The following EIF3F variants were observed in gnomAD, a reference collection of about 807,000 sequenced individuals.
EIF3F encodes the protein eukaryotic translation initiation factor 3 subunit F.
In EIF3F, 8 loss-of-function variants were observed where a neutral mutation model predicts 36.0. The ratio of observed to expected loss-of-function variants is 0.22; its 90% CI spans 0.13 to 0.40. EIF3F has a LOEUF of 0.40. Ranked by LOEUF, EIF3F falls within the 10% of genes least tolerant of loss-of-function variation. The pLI is 1.00. For missense variants in EIF3F, 430 were observed against 467.6 expected, an observed-to-expected ratio of 0.92 and a Z score of 0.74; for synonymous variants, 184 against 188.5, an observed-to-expected ratio of 0.98 and a Z score of 0.19.
chr11:7,991,635 C>G lies in EIF3F; in HGVS notation c.365-146C>G, dbSNP rs1942096670. 9.0e-6 allele frequency: 7 copies of G among 774,078 alleles called. No individual in the cohort carries two copies. In the South Asian group the frequency reaches 1.1e-4, roughly 12 times the overall value. 48.0% of individuals were successfully genotyped at this position (774,078 alleles called of 1,614,324 possible). A position where few individuals can be genotyped will look rare whatever the true frequency, so the allele number is the denominator to read the frequency against. On this transcript the variant is annotated intron_variant, in intron 1 of 7. Coordinates refer to ENST00000651655, the MANE Select transcript of EIF3F (RefSeq NM_003754.3). ...GTTCCCTGGAGAATTCTGGTCCCAT[C>G]GATGCACCGGACTAAACTTGGAGCT...
chr11:7,995,764 A>G lies in EIF3F; in HGVS notation c.997-181A>G, dbSNP rs191219582. 724 of 675,212 alleles carry G rather than the reference A, an allele frequency of 1.1e-3. 6 individuals are homozygous for G. The highest frequency in any genetic ancestry group is 6.4e-3 in the South Asian group (369 of 57,388). The allele number at this position is 675,212 out of a possible 1,614,324, so 41.8% of individuals were successfully genotyped here. A position where few individuals can be genotyped will look rare whatever the true frequency, so the allele number is the denominator to read the frequency against. On this transcript the variant is annotated intron_variant, in intron 7 of 7. Coordinates refer to ENST00000651655, the MANE Select transcript of EIF3F (RefSeq NM_003754.3). ...TATAAGTGTATCAGTAGAGATAAGA[A>G]AGCCTTCTCAAGCATTTCCTTTCTG...
chr11:7,989,665 T>C (rs1942070041), intron 1 of EIF3F, among the ~76,000 whole-genome samples: 1 of 152,154 alleles, frequency 6.6e-6, no homozygotes, highest in Non-Finnish European at 1.5e-5. Flanking sequence ...GAATGTAATA[T>C]GATAAATGTT....
Position 7,999,629 on chromosome 11 carries a change from A to G in EIF3F, c.*3607A>G, listed in dbSNP as rs188483147. ...TAAAGCAATATGGTACTGGTCCATA[A>G]AAGAACATAAAACCAAATAGTTCAG... On this transcript the variant is annotated 3_prime_UTR_variant, in exon 8 of 8. Transcript: ENST00000651655. 1.3e-5 allele frequency: 2 copies of G among 152,274 alleles called. No homozygotes were observed. The highest frequency in any genetic ancestry group is 1.3e-4 in the Admixed American group (2 of 15,306). The allele number at this position is 152,274 out of a possible 1,614,324, so 9.4% of individuals were successfully genotyped here.
intron 4 of EIF3F, 106 bp from the exon 5 acceptor site, chr11:7,994,320 A>T: frequency 1.0e-6 from 1 of 959,040 alleles, no homozygotes; most frequent in Non-Finnish European, 1.6e-6. Context: ...CCTTTCTATC[A>T]GAACCTTGAG....
intron 1 of EIF3F, among the ~76,000 whole-genome samples, chr11:7,991,318 T>G (rs781490320): frequency 6.6e-6 from 1 of 152,204 alleles, no homozygotes; most frequent in Non-Finnish European, 1.5e-5. Flanking sequence ...AGGTTAAGAC[T>G]GACCATGGGA....
intron 4 of EIF3F, among the ~76,000 whole-genome samples, 198 bp from the exon 5 acceptor site, chr11:7,994,228 C>G (rs1386795823): frequency 6.6e-6 from 1 of 152,152 alleles, no homozygotes; most frequent in Non-Finnish European, 1.5e-5. Flanking sequence ...CCTTACAGAT[C>G]AAGGGTTTGG....
chr11:7,987,848 CTA>C (rs1942045765), intron 1 of EIF3F, 132 bp downstream of exon 1: 2 of 1,288,860 alleles, frequency 1.6e-6, no homozygotes, highest in Admixed American at 3.8e-5. Flanking sequence ...ACCTCTTAAT[CTA>C]TATCTGCATC....
Position 8,000,638 on chromosome 11 carries a change from T to TA in EIF3F, c.*4617dup, listed in dbSNP as rs1412490958. 2 of 152,180 alleles carry TA rather than the reference T, an allele frequency of 1.3e-5. No individual in the cohort carries two copies. Among genetic ancestry groups the TA allele is most frequent in the African/African-American group, 2.4e-5 (1 of 41,438 alleles). 9.4% of individuals were successfully genotyped at this position (152,180 alleles called of 1,614,324 possible). On this transcript the variant is annotated 3_prime_UTR_variant, in exon 8 of 8. Coordinates refer to ENST00000651655, the MANE Select transcript of EIF3F (RefSeq NM_003754.3). ...AAAACATCACATTGTACAAAATACA[T>TA]ACAGTTTTTGTCAATTTAAAGATAT... is the stretch of plus-strand genomic sequence containing the variant.
Position 7,995,091 on chromosome 11 carries a change from A to G in EIF3F, c.855A>G (p.Thr285=), listed in dbSNP as rs1942145406. The G allele has an allele frequency of 6.2e-7, 1 of 1,614,034 alleles. No homozygotes were observed. Among genetic ancestry groups the G allele is most frequent in the Non-Finnish European group, 8.5e-7 (1 of 1,179,926 alleles). The change falls in exon 6 of 8, where the codon ACA becomes ACG. Residue 285 remains threonine, a synonymous_variant. Transcript: ENST00000651655. ...ASARIQDALS[T]VLQYAEDVLS... is the part of the protein sequence containing the mutation. ...CTCGCATCCAGGATGCCCTGAGTAC[A>G]GTGTTGCAATATGCAGAGGATGTAC...
Position 7,995,996 on chromosome 11 carries a change from C to G in EIF3F, c.1048C>G (p.Leu350Val), listed in dbSNP as rs751440334. ...LANLTQSQIA[L>V]NEKLVNL ...CAACCTCACACAGTCACAGATTGCA[C>G]TCAATGAAAAACTTGTAAACCTGTG... Residue 350 changes from leucine to valine, a missense_variant, in exon 8 of 8, where the codon CTC becomes GTC. By Grantham distance (32) the Leu-to-Val change is conservative. Around this residue, in one of 2 missense-constraint regions of EIF3F, gnomAD observed 262 missense variants for 347.4 expected, o/e 0.75. Transcript: ENST00000651655. The G allele has an allele frequency of 6.2e-7, 1 of 1,613,916 alleles. No homozygotes were observed. Among genetic ancestry groups the G allele is most frequent in the South Asian group, 1.1e-5 (1 of 91,070 alleles).
chr11:7,991,079 C>T (rs1942087639), intron 1 of EIF3F, among the ~76,000 whole-genome samples: 1 of 151,672 alleles, frequency 6.6e-6, no homozygotes, highest in Non-Finnish European at 1.5e-5. Context: ...CCTGTAGTCT[C>T]AGCTACTCGG....
intron 5 of EIF3F, 84 bp from the exon 6 acceptor site, chr11:7,994,898 C>T: frequency 6.4e-7 from 1 of 1,566,282 alleles, no homozygotes; most frequent in Non-Finnish European, 8.7e-7. Flanking sequence ...GACGTTAAGA[C>T]CATCTCTTTC....
intron 5 of EIF3F, 155 bp from the exon 6 acceptor site, chr11:7,994,827 A>C: frequency 9.1e-7 from 1 of 1,099,084 alleles, no homozygotes; most frequent in East Asian, 2.5e-5. Flanking sequence ...TGATAAGGGC[A>C]CAGCAGGAAG....
In EIF3F at chr11:7,995,133, A is replaced by G. The variant is rs774373608; in HGVS notation, c.882+15A>G. 1 of 1,613,004 alleles carries G rather than the reference A, an allele frequency of 6.2e-7. No homozygotes were observed. The highest frequency in any genetic ancestry group is 1.7e-5 in the Admixed American group (1 of 59,982). On this transcript the variant is annotated intron_variant, in intron 6 of 7. Coordinates refer to ENST00000651655, the MANE Select transcript of EIF3F (RefSeq NM_003754.3). ...AGGATGTACTGGTGAGAGGGGAAAGAAAAAACAAAGGGGGAGGACATAGTT... is the reference window on the plus strand; with the variant it reads ...AGGATGTACTGGTGAGAGGGGAAAGGAAAAACAAAGGGGGAGGACATAGTT...
chr11:7,995,927 G>A lies in EIF3F; in HGVS notation c.997-18G>A. 1.2e-6 allele frequency: 2 copies of A among 1,612,618 alleles called. No individual in the cohort carries two copies. Among genetic ancestry groups the A allele is most frequent in the Non-Finnish European group, 1.7e-6 (2 of 1,178,702 alleles). On this transcript the variant is annotated intron_variant, in intron 7 of 7. Coordinates refer to ENST00000651655, the MANE Select transcript of EIF3F (RefSeq NM_003754.3). ...TTCCACCCAACCCCCCACTCATTGT[G>A]TATTCTTTGTCTTCCAGGACCTTTT...
At chr11:7,995,809 T>C in intron 7 of EIF3F, 136 bp from the exon 8 acceptor site, 1 of 741,682 alleles carries the variant, frequency 1.3e-6, no homozygotes, top group Non-Finnish European at 2.4e-6. Context: ...TTTTTGACTT[T>C]TATTCAGTCT....
At position 7,987,453 on chromosome 11, in the gene EIF3F, C is replaced by T. The variant is rs1426685962; in HGVS notation, c.101C>T (p.Ala34Val). Residue 34 changes from alanine to valine, a missense_variant, in exon 1 of 8, where the codon GCT becomes GTT. Around this residue, in one of 2 missense-constraint regions of EIF3F, gnomAD observed 168 missense variants for 120.2 expected, o/e 1.40. Coordinates refer to ENST00000651655, the MANE Select transcript of EIF3F (RefSeq NM_003754.3). ...ASVPAPTPAPAAAPVPAAAPA... is the reference protein window; with the variant it reads ...ASVPAPTPAPVAAPVPAAAPA... ...GTTCCAGCGCCAACGCCAGCACCGGCTGCGGCTCCGGTTCCCGCTGCGGCT... is the reference window on the plus strand; with the variant it reads ...GTTCCAGCGCCAACGCCAGCACCGGTTGCGGCTCCGGTTCCCGCTGCGGCT... The T allele has an allele frequency of 6.2e-7, 1 of 1,603,692 alleles. No homozygotes were observed. Among genetic ancestry groups the T allele is most frequent in the South Asian group, 1.1e-5 (1 of 90,846 alleles).
Position 7,995,705 on chromosome 11 carries a change from C to A in EIF3F, c.997-240C>A. 4 of 597,852 alleles carry A rather than the reference C, an allele frequency of 6.7e-6. No homozygotes were observed. The South Asian group carries it at 8.1e-5, about 12-fold the overall frequency. 37.0% of individuals were successfully genotyped at this position (597,852 alleles called of 1,614,324 possible). A position where few individuals can be genotyped will look rare whatever the true frequency, so the allele number is the denominator to read the frequency against. On this transcript the variant is annotated intron_variant, in intron 7 of 7. Transcript: ENST00000651655. ...TCTGAGTTCACAGACCCCCTATATT[C>A]CATCCATGGGTTTCAGCTAAGGCAC...
chr11:7,991,143 C>T (rs1004799975), intron 1 of EIF3F, among the ~76,000 whole-genome samples: 7 of 150,902 alleles, frequency 4.6e-5, no homozygotes, highest in African/African-American at 1.7e-4. Flanking sequence ...TGCAGTGAGC[C>T]GAGATTGCAC....
Sources: gnomAD v4.1 joint callset for allele counts (sites outside exome capture counted in the v4.1 genomes callset) on GRCh38, gnomAD v4.1.1 for gene constraint, gnomAD v4.1.1 regional missense constraint, MANE v1.5 for transcripts, NCBI Gene and HGNC (gene_info 2026-07-23, HGNC 2026-07-21) for gene names.